CDH20: variants seen among roughly 807,000 people sequenced by gnomAD.
The protein encoded by CDH20 is cadherin 20, also known as cadherin-20.
CDH20 carries 29 observed loss-of-function variants against 74.2 expected under a neutral mutation model. The ratio of observed to expected loss-of-function variants is 0.39; its 90% confidence interval spans 0.29 to 0.53. The LOEUF is 0.53. Ranked by LOEUF, CDH20 falls within the 20% of genes least tolerant of loss-of-function variation. The pLI, the probability that CDH20 is intolerant of heterozygous loss-of-function variation, is 0.69. For synonymous variants in CDH20, 469 were observed against 405.4 expected (o/e 1.16, Z -1.88); for missense variants, 988 against 1,048.3 (o/e 0.94, Z 0.79).
At chr18:61,477,591 G>C (rs560829001) in intron 1 of CDH20, among the ~76,000 whole-genome samples, 1 of 152,228 alleles carries the variant, frequency 6.6e-6, no homozygotes, top group African/African-American at 2.4e-5. Flanking sequence ...CGATGCATGA[G>C]TATGTCATAA....
At chr18:61,416,043 TA>T (rs199508830) in intron 1 of CDH20, among the ~76,000 whole-genome samples, 25,126 of 148,552 alleles carry the variant, frequency 0.17, 2,388 homozygotes, top group African/African-American at 0.26. Flanking sequence ...TTCCAAGATG[TA>T]AAAAAAAAAA....
At chr18:61,480,619 T>C (rs1034690545) in intron 1 of CDH20, among the ~76,000 whole-genome samples, 1 of 152,178 alleles carries the variant, frequency 6.6e-6, no homozygotes, top group African/African-American at 2.4e-5. Context: ...GAGGGATGAC[T>C]TCGAATAGGA....
chr18:61,420,961 G>T (rs887773270), intron 1 of CDH20, among the ~76,000 whole-genome samples: 4 of 152,158 alleles, frequency 2.6e-5, no homozygotes, highest in East Asian at 1.9e-4. Flanking sequence ...TGAGGCAGGA[G>T]AACTGCTTGA....
chr18:61,339,433 T>C (rs1309711328), intron 1 of CDH20, among the ~76,000 whole-genome samples: 1 of 151,486 alleles, frequency 6.6e-6, no homozygotes, highest in Non-Finnish European at 1.5e-5. Flanking sequence ...AGTGTATGCA[T>C]CACCCAAATA....
At chr18:61,340,411 G>C (rs1909909581) in intron 1 of CDH20, among the ~76,000 whole-genome samples, 1 of 152,040 alleles carries the variant, frequency 6.6e-6, no homozygotes, top group Admixed American at 6.6e-5. Flanking sequence ...ACTAGGATTA[G>C]AGTTAAGGTT....
In CDH20 at chr18:61,376,826, T is replaced by C. The variant is rs144222201; in HGVS notation, c.-153+42999T>C. Among the ~76,000 whole-genome samples, 192 of 152,214 alleles carry C rather than the reference T, an allele frequency of 1.3e-3. 1 individual carries two copies. Among genetic ancestry groups the C allele is most frequent in the African/African-American group, 4.4e-3 (181 of 41,546 alleles). On this transcript the variant is annotated intron_variant, in intron 1 of 11. Coordinates refer to ENST00000262717, the MANE Select transcript of CDH20 (RefSeq NM_031891.4). ...GTAACAGCTTTCACAAGGTCAGGAA[T>C]CAGGGAGATAATGGCTAGGAATAGG...
intron 1 of CDH20, among the ~76,000 whole-genome samples, chr18:61,460,529 G>A (rs1406448899): frequency 1.3e-5 from 2 of 152,150 alleles, no homozygotes; most frequent in African/African-American, 4.8e-5. Context: ...CCACTACAAA[G>A]GCTGTACTTA....
intron 1 of CDH20, among the ~76,000 whole-genome samples, chr18:61,443,732 G>C (rs1390980161): frequency 6.6e-6 from 1 of 152,084 alleles, no homozygotes; most frequent in Non-Finnish European, 1.5e-5. Context: ...TTACATTCTG[G>C]CATAAGCTCG....
chr18:61,493,210 T>C (rs115696704), intron 2 of CDH20, among the ~76,000 whole-genome samples: 2,723 of 152,242 alleles, frequency 0.018, 91 homozygotes, highest in African/African-American at 0.062. Context: ...GGTCCCCATA[T>C]CTGCCAATAT....
intron 1 of CDH20, among the ~76,000 whole-genome samples, chr18:61,391,339 A>G (rs1911772316): frequency 1.3e-5 from 2 of 152,192 alleles, no homozygotes; most frequent in African/African-American, 4.8e-5. Context: ...GGGATAGACA[A>G]TGGAAGTCTT....
At chr18:61,410,328 T>G (rs1189399273) in intron 1 of CDH20, among the ~76,000 whole-genome samples, 1 of 152,186 alleles carries the variant, frequency 6.6e-6, no homozygotes, top group Non-Finnish European at 1.5e-5. Flanking sequence ...CAATAAAGCT[T>G]ATGACATACC....
chr18:61,346,969 G>T (rs937238052), intron 1 of CDH20, among the ~76,000 whole-genome samples: 27 of 151,912 alleles, frequency 1.8e-4, no homozygotes, highest in African/African-American at 6.5e-4. Flanking sequence ...GGCCAGTGCT[G>T]GGCTTATCTT....
intron 1 of CDH20, among the ~76,000 whole-genome samples, chr18:61,474,702 G>A (rs2144389643): frequency 6.6e-6 from 1 of 152,244 alleles, no homozygotes; most frequent in East Asian, 1.9e-4. Context: ...CTAATGCTGA[G>A]AATACAGAGG....
chr18:61,504,177 A>G lies in CDH20; in HGVS notation c.829+1057A>G, dbSNP rs192315578. Among the ~76,000 whole-genome samples the G allele has an allele frequency of 3.4e-3, 518 of 152,334 alleles. 7 individuals are homozygous for G. Among genetic ancestry groups the G allele is most frequent in the Non-Finnish European group, 3.6e-3 (246 of 68,022 alleles). ...TTTTGAGCAAGAGGGAGACATAAAG[A>G]AAGGCTAATTTGGTAGCCATGTAGA... On this transcript the variant is annotated intron_variant, in intron 5 of 11. Coordinates refer to ENST00000262717, the MANE Select transcript of CDH20 (RefSeq NM_031891.4).
intron 1 of CDH20, among the ~76,000 whole-genome samples, chr18:61,378,575 C>A (rs958272195): frequency 6.6e-6 from 1 of 152,156 alleles, no homozygotes; most frequent in African/African-American, 2.4e-5. Context: ...AGTCTACTGG[C>A]TCATATTTTA....
In CDH20 at chr18:61,472,490, A is replaced by G. The variant is rs115153634; in HGVS notation, c.-152-17912A>G. On this transcript the variant is annotated intron_variant, in intron 1 of 11. Coordinates refer to ENST00000262717, the MANE Select transcript of CDH20 (RefSeq NM_031891.4). Reference sequence around the variant, plus strand: ...CATACAGTGGGAGCTGGCAGCAGGAAGGGAACTCCACCACTCAGGGGCAAG... The same window carrying G: ...CATACAGTGGGAGCTGGCAGCAGGAGGGGAACTCCACCACTCAGGGGCAAG... Among the ~76,000 whole-genome samples, 933 of 152,106 alleles carry G rather than the reference A, an allele frequency of 6.1e-3. 10 individuals are homozygous for G. Among genetic ancestry groups the G allele is most frequent in the African/African-American group, 0.019 (796 of 41,578 alleles).
intron 1 of CDH20, among the ~76,000 whole-genome samples, chr18:61,434,828 A>C (rs75055984): frequency 6.6e-6 from 1 of 152,196 alleles, no homozygotes. Flanking sequence ...ATTTTGACCC[A>C]TAAAGTGAAT....
At chr18:61,448,899 T>C (rs1015817251) in intron 1 of CDH20, among the ~76,000 whole-genome samples, 3 of 152,156 alleles carry the variant, frequency 2.0e-5, no homozygotes, top group Non-Finnish European at 2.9e-5. Context: ...CTACGTAAAA[T>C]CAATTCTAAG....
chr18:61,533,184 T>C (rs1912707812), intron 7 of CDH20, among the ~76,000 whole-genome samples: 1 of 152,108 alleles, frequency 6.6e-6, no homozygotes, highest in South Asian at 2.1e-4. Context: ...GGTACCTGCC[T>C]CTAGTTCCAA....
Sources: allele counts gnomAD v4.1 joint callset (sites outside exome capture counted in the v4.1 genomes callset), GRCh38; gene constraint gnomAD v4.1.1; transcripts MANE v1.5; gene names NCBI Gene and HGNC (gene_info 2026-07-23, HGNC 2026-07-21).